Variants in DYSF observed in about 807,000 individuals in gnomAD.
DYSF encodes dysferlin.
Under a neutral mutation model 274.9 loss-of-function variants are expected in DYSF, and 212 were observed. That is an observed-to-expected ratio of 0.77 (90% CI 0.69 to 0.86). The LOEUF (loss-of-function observed/expected upper bound fraction) is 0.86. Among genes scored for constraint, DYSF ranks in the 40% least tolerant of loss-of-function variants. The pLI, the probability that DYSF is intolerant of heterozygous loss-of-function variation, is 0.00. For synonymous variants in DYSF, 1,091 were observed against 1,078.7 expected (o/e 1.01, Z -0.22); for missense variants, 2,666 against 2,783.2 (o/e 0.96, Z 0.95).
chr2:71,665,814 G>T, intron 47 of DYSF, among the ~76,000 whole-genome samples: 1 of 152,144 alleles, frequency 6.6e-6, no homozygotes, highest in East Asian at 1.9e-4. Flanking sequence ...CCCCAGTCCT[G>T]CCCAGGGTCC....
At chr2:71,604,225 A>AC (rs1270723013) in intron 36 of DYSF, among the ~76,000 whole-genome samples, 1 of 151,544 alleles carries the variant, frequency 6.6e-6, no homozygotes. Context: ...TAGCCCTGGG[A>AC]CCCCTAGCTC....
intron 1 of DYSF, among the ~76,000 whole-genome samples, chr2:71,473,831 C>G (rs2082205561): frequency 6.6e-6 from 1 of 152,142 alleles, no homozygotes; most frequent in Non-Finnish European, 1.5e-5. Flanking sequence ...GTCATCCTCC[C>G]CAGCTGAAAC....
At chr2:71,584,169 AGT>A (rs35577501) in intron 30 of DYSF, among the ~76,000 whole-genome samples, 85,436 of 138,846 alleles carry the variant, frequency 0.62, 25,453 homozygotes, top group East Asian at 0.82. Context: ...GCTGGGCAAG[AGT>A]GTGTGTGTGT....
chr2:71,540,428 A>C (rs1449354049), intron 17 of DYSF, among the ~76,000 whole-genome samples: 1 of 152,088 alleles, frequency 6.6e-6, no homozygotes, highest in Non-Finnish European at 1.5e-5. Context: ...AACATTTTTA[A>C]GACTTTTGAT....
At chr2:71,493,477 A>T (rs748848759) in intron 3 of DYSF, among the ~76,000 whole-genome samples, 2 of 152,336 alleles carry the variant, frequency 1.3e-5, no homozygotes, top group Admixed American at 1.3e-4. Flanking sequence ...GAGAAAAAAG[A>T]TATTTGTGAG....
chr2:71,676,926 T>C (rs1442835035), intron 52 of DYSF, among the ~76,000 whole-genome samples: 3 of 100,694 alleles, frequency 3.0e-5, no homozygotes, highest in African/African-American at 1.1e-4. Context: ...ATAATGTGTG[T>C]GTATGTGTGT....
At chr2:71,555,865 C>CT (rs1489433120) in intron 21 of DYSF, 100 bp from the exon 22 acceptor site, 52 of 932,918 alleles carry the variant, frequency 5.6e-5, no homozygotes, top group Non-Finnish European at 3.4e-6. Flanking sequence ...CTGTTCACTC[C>CT]TTTTTGGTTC....
intron 22 of DYSF, among the ~76,000 whole-genome samples, chr2:71,556,814 G>C (rs957707026): frequency 6.6e-6 from 1 of 152,098 alleles, no homozygotes; most frequent in Non-Finnish European, 1.5e-5. Flanking sequence ...TTAAATAATT[G>C]CCCCTCTGCT....
intron 22 of DYSF, among the ~76,000 whole-genome samples, chr2:71,560,321 G>A (rs2091643647): frequency 6.7e-6 from 1 of 149,644 alleles, no homozygotes; most frequent in African/African-American, 2.5e-5. Flanking sequence ...CCCGGGCTGG[G>A]CGCATAAATC....
At chr2:71,484,874 G>A (rs1469265754) in intron 3 of DYSF, among the ~76,000 whole-genome samples, 25 of 152,194 alleles carry the variant, frequency 1.6e-4, no homozygotes. Flanking sequence ...GTGGAGCAGA[G>A]GTCATATGGG....
intron 29 of DYSF, among the ~76,000 whole-genome samples, chr2:71,573,685 C>T (rs2092600393): frequency 6.6e-6 from 1 of 152,182 alleles, no homozygotes; most frequent in Non-Finnish European, 1.5e-5. Context: ...GAAATCCACC[C>T]AGAATTCAAA....
rs755645878 is a variant in DYSF, at chr2:71,570,758, TGG to T, written c.3228+19_3228+20del. The T allele has an allele frequency of 6.2e-7, 1 of 1,613,182 alleles. No homozygotes were observed. Among genetic ancestry groups the T allele is most frequent in the Non-Finnish European group, 8.5e-7 (1 of 1,179,836 alleles). On this transcript the variant is annotated intron_variant, in intron 29 of 55. Transcript: ENST00000410020. Reference sequence around the variant, plus strand: ...CTGAAAAGGGTGAGCCAGCAGGTGGTGGGTGGGAGTGAGGCCTGTGGTCACAG... The same window carrying T: ...CTGAAAAGGGTGAGCCAGCAGGTGGTGTGGGAGTGAGGCCTGTGGTCACAG...
intron 36 of DYSF, among the ~76,000 whole-genome samples, chr2:71,609,314 C>A (rs1303679159): frequency 6.6e-6 from 1 of 152,192 alleles, no homozygotes; most frequent in African/African-American, 2.4e-5. Flanking sequence ...ATGTCACCTG[C>A]ATTGTGGGTC....
chr2:71,580,807 C>T (rs1574141688), intron 30 of DYSF, among the ~76,000 whole-genome samples: 2 of 152,300 alleles, frequency 1.3e-5, no homozygotes, highest in East Asian at 1.9e-4. Flanking sequence ...ACTCTAAATG[C>T]GTGGACCCTG....
chr2:71,631,612 G>T (rs371001874), intron 41 of DYSF, among the ~76,000 whole-genome samples: 3 of 152,170 alleles, frequency 2.0e-5, no homozygotes, highest in Non-Finnish European at 4.4e-5. Flanking sequence ...GAAAGCACAG[G>T]GGGAGGCGAG....
intron 40 of DYSF, among the ~76,000 whole-genome samples, chr2:71,619,978 T>C (rs1345772804): frequency 6.6e-6 from 1 of 152,144 alleles, no homozygotes; most frequent in Non-Finnish European, 1.5e-5. Flanking sequence ...ATTTGTAGCA[T>C]GGAGTGGAGG....
chr2:71,500,241 C>T lies in DYSF; in HGVS notation c.240-2973C>T, dbSNP rs72827513. 4.0e-3 allele frequency among the ~76,000 whole-genome samples: 604 copies of T among 152,260 alleles called. 1 individual carries two copies. The highest frequency in any genetic ancestry group is 7.0e-3 in the Admixed American group (107 of 15,300). On this transcript the variant is annotated intron_variant, in intron 3 of 55. Coordinates refer to ENST00000410020, the MANE Select transcript of DYSF (RefSeq NM_001130987.2). ...TAGCCTCCCAGGGGTCCCTCTTCTG[C>T]GCCCCCCACCTCTCCTCCCTGAGCA...
At chr2:71,530,557 T>A (rs1423824235) in intron 14 of DYSF, among the ~76,000 whole-genome samples, 1 of 152,158 alleles carries the variant, frequency 6.6e-6, no homozygotes, top group African/African-American at 2.4e-5. Flanking sequence ...TACAGTAGAT[T>A]GGCATCTGGG....
intron 52 of DYSF, among the ~76,000 whole-genome samples, chr2:71,677,658 A>ATAATAGTAATAT (rs2095243359): frequency 4.6e-4 from 1 of 2,172 alleles, no homozygotes; most frequent in African/African-American, 3.0e-3. Context: ...ACCTACTAAG[A>ATAATAGTAATAT]TAATAGTAAT....
Sources: allele counts gnomAD v4.1 joint callset (sites outside exome capture counted in the v4.1 genomes callset), GRCh38; gene constraint gnomAD v4.1.1; transcripts MANE v1.5; gene names NCBI Gene and HGNC (gene_info 2026-07-23, HGNC 2026-07-21).